CHID1: variants seen among roughly 807,000 people sequenced by gnomAD.
CHID1 encodes the protein chitinase domain containing 1.
Under a neutral mutation model 55.4 loss-of-function variants are expected in CHID1, and 44 were observed. The ratio of observed to expected loss-of-function variants is 0.79; its 90% CI spans 0.62 to 1.02. The LOEUF (loss-of-function observed/expected upper bound fraction) is 1.02. CHID1 is among the 50% of genes least tolerant of loss of function. The pLI, the probability that CHID1 is intolerant of heterozygous loss-of-function variation, is 0.00. For missense variants in CHID1, 491 were observed against 515.3 expected, an observed-to-expected ratio of 0.95 and a Z score of 0.46; for synonymous variants, 216 against 212.9, an observed-to-expected ratio of 1.01 and a Z score of -0.13.
Position 869,466 on chromosome 11 carries a change from C to T in CHID1, c.*392G>A. 3.8e-6 allele frequency: 1 copy of T among 265,148 alleles called. No individual in the cohort carries two copies. The highest frequency in any genetic ancestry group is 7.3e-6 in the Non-Finnish European group (1 of 136,952). 16.4% of individuals were successfully genotyped at this position (265,148 alleles called of 1,614,324 possible). A position where few individuals can be genotyped will look rare whatever the true frequency, so the allele number is the denominator to read the frequency against. On this transcript the variant is annotated 3_prime_UTR_variant, in exon 13 of 13. Transcript: ENST00000323578. Reference sequence around the variant, plus strand: ...CTGGGCAGAGCTGTCCCTGCGAGGGCCCTCGAATCCAGGAGTGGGCGAGTC... The same window carrying T: ...CTGGGCAGAGCTGTCCCTGCGAGGGTCCTCGAATCCAGGAGTGGGCGAGTC...
At chr11:910,574 C>A in intron 1 of CHID1, 1 of 1,162,968 alleles carries the variant, frequency 8.6e-7, no homozygotes, top group South Asian at 1.5e-5. Context: ...CTCATAGCAA[C>A]CCTCTCTCAC....
chr11:883,416 T>C, intron 9 of CHID1, 113 bp from the exon 10 acceptor site: 5 of 1,114,648 alleles, frequency 4.5e-6, no homozygotes, highest in Non-Finnish European at 6.4e-6. Flanking sequence ...CTGACACCTC[T>C]AGAGAGTTGT....
At chr11:892,150 T>A (rs1252478268) in intron 8 of CHID1, among the ~76,000 whole-genome samples, 2 of 151,624 alleles carry the variant, frequency 1.3e-5, no homozygotes, top group African/African-American at 4.8e-5. Flanking sequence ...AGACGCAGCG[T>A]GGGGGCCCCA....
intron 10 of CHID1, chr11:870,801 C>G: frequency 3.0e-6 from 1 of 334,958 alleles, no homozygotes; most frequent in Admixed American, 4.1e-5. Context: ...CTGAGGGTGA[C>G]CCTCAGGCCG....
chr11:877,257 C>T (rs551045583), intron 10 of CHID1, among the ~76,000 whole-genome samples: 2 of 152,112 alleles, frequency 1.3e-5, no homozygotes, highest in Non-Finnish European at 2.9e-5. Context: ...CAACTGCCCA[C>T]GGGAAGCTGC....
intron 8 of CHID1, among the ~76,000 whole-genome samples, chr11:889,178 G>A (rs930898723): frequency 1.3e-5 from 2 of 152,154 alleles, no homozygotes; most frequent in South Asian, 2.1e-4. Context: ...TCCCAGATCC[G>A]AGGGGAGACG....
intron 8 of CHID1, among the ~76,000 whole-genome samples, chr11:885,040 C>A (rs561234821): frequency 3.3e-5 from 5 of 152,266 alleles, no homozygotes; most frequent in Non-Finnish European, 7.4e-5. Flanking sequence ...ACCGAGGGGG[C>A]GGAGGGCCCC....
In CHID1 at chr11:875,592, G is replaced by A. The variant is rs900005157; in HGVS notation, c.960-5093C>T. Reference sequence around the variant, plus strand: ...CACGGTGAGCATGAGGCCGGGGATCGGGGCTGGGGTTGCTGAAACTCTTAG... The same window carrying A: ...CACGGTGAGCATGAGGCCGGGGATCAGGGCTGGGGTTGCTGAAACTCTTAG... On this transcript the variant is annotated intron_variant, in intron 10 of 12. Coordinates refer to ENST00000323578, the MANE Select transcript of CHID1 (RefSeq NM_023947.4). The surrounding 1 kb of genome is among the most constrained non-coding windows in gnomAD (Gnocchi z 4.7). Among the ~76,000 whole-genome samples the A allele has an allele frequency of 2.6e-5, 4 of 152,180 alleles. No individual in the cohort carries two copies. Among genetic ancestry groups the A allele is most frequent in the African/African-American group, 4.8e-5 (2 of 41,426 alleles).
intron 8 of CHID1, among the ~76,000 whole-genome samples, chr11:887,310 G>A (rs562008258): frequency 1.6e-4 from 25 of 152,200 alleles, no homozygotes; most frequent in Non-Finnish European, 3.5e-4. Flanking sequence ...TTACAGGCGC[G>A]TACCTCCACA....
At chr11:888,353 AC>A (rs1389956234) in intron 8 of CHID1, among the ~76,000 whole-genome samples, 1 of 152,166 alleles carries the variant, frequency 6.6e-6, no homozygotes, top group Non-Finnish European at 1.5e-5. Context: ...GGCCCTGAGG[AC>A]CACCCGGGAA....
At chr11:902,171 GCA>G in intron 4 of CHID1, 25 bp downstream of exon 4, 1 of 1,612,342 alleles carries the variant, frequency 6.2e-7, no homozygotes, top group Admixed American at 1.7e-5. Context: ...TGTGGGGCAA[GCA>G]CAGTCAAGCA....
intron 1 of CHID1, among the ~76,000 whole-genome samples, chr11:909,092 C>T (rs1375648470): frequency 6.6e-6 from 1 of 152,322 alleles, no homozygotes; most frequent in East Asian, 1.9e-4. Context: ...CAGACAACTG[C>T]CCCAGGGAGA....
intron 10 of CHID1, among the ~76,000 whole-genome samples, chr11:879,844 C>G (rs1178944550): frequency 6.6e-6 from 1 of 152,236 alleles, no homozygotes; most frequent in African/African-American, 2.4e-5. Flanking sequence ...GGATCCTGGG[C>G]TGGGAGCCCA....
intron 1 of CHID1, among the ~76,000 whole-genome samples, chr11:907,856 C>T (rs1256713743): frequency 6.6e-6 from 1 of 152,200 alleles, no homozygotes; most frequent in Non-Finnish European, 1.5e-5. Flanking sequence ...GCTGCCAGAG[C>T]CAGGCCTACC....
At chr11:911,722 C>T (rs993859708), upstream of CHID1, among the ~76,000 whole-genome samples, 1 of 152,216 alleles carries the variant, frequency 6.6e-6, no homozygotes, top group African/African-American at 2.4e-5. Context: ...ACGCCCACGC[C>T]TTTCCTAGAA....
chr11:879,835 G>A (rs1849773906), intron 10 of CHID1, among the ~76,000 whole-genome samples: 1 of 152,240 alleles, frequency 6.6e-6, no homozygotes, highest in Non-Finnish European at 1.5e-5. Flanking sequence ...TTGCACAGGG[G>A]ATCCTGGGCT....
chr11:902,897 A>G lies in CHID1; in HGVS notation c.261+65T>C, dbSNP rs563754701. On this transcript the variant is annotated intron_variant, in intron 3 of 12. Coordinates refer to ENST00000323578, the MANE Select transcript of CHID1 (RefSeq NM_023947.4). ...CACTGACTGGCCAGAAGAGGCCATC[A>G]CGGGGCCAGGGCAGCCCACCTGAGC... The G allele has an allele frequency of 4.9e-5, 74 of 1,510,216 alleles. No individual in the cohort carries two copies. In the African/African-American group the frequency reaches 9.2e-4, roughly 19 times the overall value. The allele number at this position is 1,510,216 out of a possible 1,614,324, so 93.6% of individuals were successfully genotyped here. A position where few individuals can be genotyped will look rare whatever the true frequency, so the allele number is the denominator to read the frequency against.
chr11:885,189 C>G (rs1169319162), intron 8 of CHID1, among the ~76,000 whole-genome samples: 5 of 152,202 alleles, frequency 3.3e-5, no homozygotes, highest in African/African-American at 1.2e-4. Flanking sequence ...TCAAGGGTCA[C>G]TGGGCTACCA....
chr11:883,107 C>T, intron 10 of CHID1, 41 bp downstream of exon 10: 1 of 1,590,052 alleles, frequency 6.3e-7, no homozygotes, highest in Non-Finnish European at 8.6e-7. Flanking sequence ...CACCCGCGCC[C>T]AGTGACACCT....
Sources: gnomAD v4.1 joint callset for allele counts (sites outside exome capture counted in the v4.1 genomes callset) on GRCh38, gnomAD v4.1.1 for gene constraint, Gnocchi (gnomAD v3.1) non-coding constraint, MANE v1.5 for transcripts, NCBI Gene and HGNC (gene_info 2026-07-23, HGNC 2026-07-21) for gene names.